Variants in TRIO observed in about 807,000 individuals in gnomAD.
TRIO encodes trio Rho guanine nucleotide exchange factor, also known as triple functional domain protein.
In TRIO, 58 loss-of-function variants were observed where a neutral mutation model predicts 351.9. That is an observed-to-expected ratio of 0.16 (90% CI 0.13 to 0.21). The LOEUF is 0.21. Among genes scored for constraint, TRIO ranks in the 10% least tolerant of loss-of-function variants. The pLI, the probability that TRIO is intolerant of heterozygous loss-of-function variation, is 1.00. For synonymous variants in TRIO, 1,758 were observed against 1,595.7 expected (o/e 1.10, Z -2.42); for missense variants, 3,201 against 4,027.8 (o/e 0.79, Z 5.56).
chr5:14,357,601 T>C (rs1743738358), intron 11 of TRIO, among the ~76,000 whole-genome samples: 1 of 152,138 alleles, frequency 6.6e-6, no homozygotes. Context: ...AGGCCCGAAC[T>C]GTTGGCAGCC....
chr5:14,470,627 C>T (rs1486268179), intron 37 of TRIO, among the ~76,000 whole-genome samples: 1 of 152,270 alleles, frequency 6.6e-6, no homozygotes, highest in Non-Finnish European at 1.5e-5. Flanking sequence ...TGAGGTTCTA[C>T]TGGGGATACA....
At chr5:14,421,226 TATTTATTTTA>T (rs1394265202) in intron 34 of TRIO, among the ~76,000 whole-genome samples, 1 of 113,672 alleles carries the variant, frequency 8.8e-6, no homozygotes, top group East Asian at 2.3e-4. Context: ...ATTATTTATT[TATTTATTTTA>T]TTTTATTTTA....
intron 34 of TRIO, among the ~76,000 whole-genome samples, chr5:14,431,745 A>G (rs938429747): frequency 1.3e-5 from 2 of 152,020 alleles, no homozygotes; most frequent in African/African-American, 4.8e-5. Flanking sequence ...TGGGGGATTA[A>G]ACAACAGACA....
intron 36 of TRIO, 110 bp from the exon 37 acceptor site, chr5:14,465,435 G>T (rs1208147117): frequency 1.4e-5 from 14 of 1,019,958 alleles, no homozygotes; most frequent in Middle Eastern, 2.7e-4. Context: ...TGGTCTTTTT[G>T]TCTGGAATTA....
intron 11 of TRIO, among the ~76,000 whole-genome samples, chr5:14,356,181 A>G (rs1301790256): frequency 6.6e-6 from 1 of 152,224 alleles, no homozygotes. Context: ...TGACCTGCAA[A>G]TAACAATAAA....
intron 1 of TRIO, among the ~76,000 whole-genome samples, chr5:14,144,841 C>T (rs2152111376): frequency 6.6e-6 from 1 of 152,052 alleles, no homozygotes; most frequent in Non-Finnish European, 1.5e-5. Context: ...TCCCCGCGTC[C>T]CGCGTCCCCG....
At chr5:14,330,629 T>TC in intron 9 of TRIO, 149 bp from the exon 10 acceptor site, 1 of 896,922 alleles carries the variant, frequency 1.1e-6, no homozygotes. Flanking sequence ...TAAATTAGTA[T>TC]CCAATTACTT....
intron 1 of TRIO, among the ~76,000 whole-genome samples, chr5:14,175,434 G>T (rs1789347971): frequency 6.6e-6 from 1 of 151,966 alleles, no homozygotes; most frequent in African/African-American, 2.4e-5. Flanking sequence ...TCTAGTAATA[G>T]ATTCCATTTT....
At chr5:14,440,395 C>T (rs924961618) in intron 34 of TRIO, among the ~76,000 whole-genome samples, 8 of 152,202 alleles carry the variant, frequency 5.3e-5, no homozygotes, top group Non-Finnish European at 8.8e-5. Flanking sequence ...ACAGTTCCCA[C>T]GCAGTGGACA....
intron 3 of TRIO, among the ~76,000 whole-genome samples, chr5:14,280,716 G>A (rs1735918046): frequency 6.6e-6 from 1 of 152,178 alleles, no homozygotes; most frequent in Non-Finnish European, 1.5e-5. Context: ...GAGTTAGAAA[G>A]CCATTGTTGA....
chr5:14,206,942 T>G lies in TRIO; in HGVS notation c.157+63060T>G, dbSNP rs182651662. On this transcript the variant is annotated intron_variant, in intron 1 of 56. Coordinates refer to ENST00000344204, the MANE Select transcript of TRIO (RefSeq NM_007118.4). Reference sequence around the variant, plus strand: ...TTTTGCAATGCAGTTTTATCACTAGTTTTTTCTCTGTCAAGGGATGTATAA... The same window carrying G: ...TTTTGCAATGCAGTTTTATCACTAGGTTTTTCTCTGTCAAGGGATGTATAA... 5.9e-5 allele frequency among the ~76,000 whole-genome samples: 9 copies of G among 152,308 alleles called. No homozygotes were observed. The East Asian group carries it at 1.7e-3, about 29-fold the overall frequency.
At chr5:14,415,745 C>G (rs1003380236) in intron 33 of TRIO, among the ~76,000 whole-genome samples, 2 of 152,100 alleles carry the variant, frequency 1.3e-5, no homozygotes, top group African/African-American at 4.8e-5. Context: ...TTGATTTTGC[C>G]AATTGTCCAT....
At position 14,387,750 on chromosome 5, in the gene TRIO, G is replaced by C; in HGVS notation, c.3784G>C (p.Asp1262His). 1 of 1,614,216 alleles carries C rather than the reference G, an allele frequency of 6.2e-7. No individual in the cohort carries two copies. The highest frequency in any genetic ancestry group is 8.5e-7 in the Non-Finnish European group (1 of 1,180,038). Residue 1262 changes from aspartate (D) to histidine (H), a missense_variant, in exon 23 of 57, where the codon GAT becomes CAT. Coordinates refer to ENST00000344204, the MANE Select transcript of TRIO (RefSeq NM_007118.4). ...TCCACAGAGTAAAAGTCTCCAGCTA[G>C]ATATCATTCCAGCCAGTATCCCTGG... Reference protein sequence around the residue: ...SNKSSKSLQLDIIPASIPGSE... With the variant: ...SNKSSKSLQLHIIPASIPGSE...
At chr5:14,162,608 T>C (rs1406859598) in intron 1 of TRIO, among the ~76,000 whole-genome samples, 1 of 152,200 alleles carries the variant, frequency 6.6e-6, no homozygotes, top group Admixed American at 6.5e-5. Flanking sequence ...TCCCTGGATA[T>C]ATAGAATAAT....
chr5:14,298,881 A>T (rs1245502581), intron 7 of TRIO, among the ~76,000 whole-genome samples: 1 of 152,242 alleles, frequency 6.6e-6, no homozygotes, highest in South Asian at 2.1e-4. Context: ...GCTTCAGCGT[A>T]AATAAAACCA....
At chr5:14,292,061 T>C (rs1267948144) in intron 5 of TRIO, among the ~76,000 whole-genome samples, 1 of 152,226 alleles carries the variant, frequency 6.6e-6, no homozygotes, top group Non-Finnish European at 1.5e-5. Context: ...CCCATAGGTA[T>C]GTGTTGCAAG....
At chr5:14,483,109 A>G (rs1453352236) in intron 46 of TRIO, among the ~76,000 whole-genome samples, 2 of 152,222 alleles carry the variant, frequency 1.3e-5, no homozygotes, top group Admixed American at 6.5e-5. Context: ...CTCTATGATC[A>G]GAGAAAAAGT....
rs1295849700 is a variant in TRIO at position 14,394,021 on chromosome 5, G to C, written c.4219-17G>C. 6.3e-7 allele frequency: 1 copy of C among 1,586,052 alleles called. No homozygotes were observed. The highest frequency in any genetic ancestry group is 8.6e-7 in the Non-Finnish European group (1 of 1,157,586). On this transcript the variant is annotated splice_polypyrimidine_tract_variant and intron_variant, in intron 27 of 56. Coordinates refer to ENST00000344204, the MANE Select transcript of TRIO (RefSeq NM_007118.4). ...AGCCCTATGATAACTCTTGTTTCTT[G>C]TTTGGTTTTAATACAGGAGATACAG...
intron 39 of TRIO, among the ~76,000 whole-genome samples, 170 bp downstream of exon 39, chr5:14,472,828 T>C (rs1480984639): frequency 6.6e-6 from 1 of 152,268 alleles, no homozygotes; most frequent in Non-Finnish European, 1.5e-5. Context: ...CAATTGTCTT[T>C]ACCATCTGTA....
Sources: allele counts gnomAD v4.1 joint callset (sites outside exome capture counted in the v4.1 genomes callset), GRCh38; gene constraint gnomAD v4.1.1; transcripts MANE v1.5; gene names NCBI Gene and HGNC (gene_info 2026-07-23, HGNC 2026-07-21).